SATB2: variants seen among roughly 807,000 people sequenced by gnomAD.
SATB2 encodes the protein SATB homeobox 2.
SATB2 carries 1 observed loss-of-function variant against 73.4 expected under a neutral mutation model. The observed-to-expected ratio is 0.01, with a 90% CI of 0.00 to 0.06. The LOEUF (loss-of-function observed/expected upper bound fraction) is 0.06. SATB2 is among the 10% of genes least tolerant of loss of function. The probability of loss-of-function intolerance (pLI) is 1.00; values close to 1 mark genes in which losing one functional copy is unlikely to be tolerated. For synonymous variants in SATB2, 397 were observed against 367.0 expected (o/e 1.08, Z -0.93); for missense variants, 459 against 945.8 (o/e 0.49, Z 6.75).
At chr2:199,468,214 C>T (rs958908610), upstream of SATB2, 1 of 152,044 alleles carries the variant, frequency 6.6e-6, no homozygotes, top group African/African-American at 2.4e-5. Context: ...TCTGGTGGGC[C>T]GTTTGCACCC....
At chr2:199,442,243 G>A (rs1691839596) in intron 2 of SATB2, among the ~76,000 whole-genome samples, 1 of 152,184 alleles carries the variant, frequency 6.6e-6, no homozygotes, top group Non-Finnish European at 1.5e-5. Context: ...ACTGCACTCA[G>A]CATCAGCAAA....
intron 3 of SATB2, among the ~76,000 whole-genome samples, chr2:199,406,586 CATAAT>C (rs1297613711): frequency 6.6e-6 from 1 of 152,070 alleles, no homozygotes; most frequent in Non-Finnish European, 1.5e-5. Flanking sequence ...TCATGGAAGG[CATAAT>C]ATAATAAATA....
rs1425689889 is a variant in SATB2 at position 199,271,570 on chromosome 2, A to C, written c.*641T>G. On this transcript the variant is annotated 3_prime_UTR_variant, in exon 11 of 11. Transcript: ENST00000417098. ...AGGAAGCCATAGAATTAAAAAAAAA[A>C]AATCAGGGACAAACACAAAAAATAA... 6.6e-6 allele frequency: 1 copy of C among 152,428 alleles called. No homozygotes were observed. The highest frequency in any genetic ancestry group is 1.5e-5 in the Non-Finnish European group (1 of 67,998). 9.4% of individuals were successfully genotyped at this position (152,428 alleles called of 1,614,324 possible).
At chr2:199,329,552 A>G (rs1393033612) in intron 7 of SATB2, among the ~76,000 whole-genome samples, 2 of 152,092 alleles carry the variant, frequency 1.3e-5, no homozygotes, top group Non-Finnish European at 2.9e-5. Flanking sequence ...ATCTTTCATG[A>G]GACGTCTTCA....
intron 6 of SATB2, among the ~76,000 whole-genome samples, chr2:199,362,270 A>G (rs1467193466): frequency 6.6e-6 from 1 of 151,668 alleles, no homozygotes; most frequent in African/African-American, 2.4e-5. Flanking sequence ...GCGGTTGCCC[A>G]AAACATTCCT....
chr2:199,429,451 T>C (rs1691435474), intron 3 of SATB2, among the ~76,000 whole-genome samples: 1 of 152,200 alleles, frequency 6.6e-6, no homozygotes, highest in Non-Finnish European at 1.5e-5. Flanking sequence ...ACACCTTTTC[T>C]GTGTTTTAGA....
intron 3 of SATB2, among the ~76,000 whole-genome samples, chr2:199,404,244 C>T (rs1400747675): frequency 2.0e-5 from 3 of 152,158 alleles, no homozygotes; most frequent in Non-Finnish European, 4.4e-5. Context: ...TCATGGCGGC[C>T]AGCACTCCTG....
chr2:199,365,554 A>G (rs1453567701), intron 6 of SATB2, among the ~76,000 whole-genome samples: 1 of 152,170 alleles, frequency 6.6e-6, no homozygotes, highest in East Asian at 1.9e-4. Flanking sequence ...CACTGGGGAA[A>G]ATAAAGTTAA....
chr2:199,429,022 A>C (rs1240923912), intron 3 of SATB2, among the ~76,000 whole-genome samples: 1 of 151,252 alleles, frequency 6.6e-6, no homozygotes, highest in Non-Finnish European at 1.5e-5. Context: ...AAAAAAAAAA[A>C]AGAAAGAAAG....
chr2:199,282,924 A>G (rs1368023420), intron 10 of SATB2, among the ~76,000 whole-genome samples: 1 of 152,220 alleles, frequency 6.6e-6, no homozygotes. Flanking sequence ...CTCAAGTTAC[A>G]GTCTGTTTAA....
At chr2:199,449,155 A>G (rs1157803133) in intron 2 of SATB2, among the ~76,000 whole-genome samples, 2 of 152,066 alleles carry the variant, frequency 1.3e-5, no homozygotes, top group Non-Finnish European at 2.9e-5. Context: ...CATCAATTAA[A>G]AAGGGGAAAA....
At chr2:199,467,555 G>T (rs1574655361), upstream of SATB2, 1 of 152,418 alleles carries the variant, frequency 6.6e-6, no homozygotes. Flanking sequence ...GGCTGAGGGC[G>T]GGGGAGAGAG....
At chr2:199,424,589 T>C (rs1441748684) in intron 3 of SATB2, among the ~76,000 whole-genome samples, 1 of 152,148 alleles carries the variant, frequency 6.6e-6, no homozygotes, top group African/African-American at 2.4e-5. Flanking sequence ...GACAAAGTAT[T>C]AAAATGTAAA....
In SATB2 at chr2:199,337,749, C is replaced by T. The variant is rs372548085; in HGVS notation, c.1174-8839G>A. Among the ~76,000 whole-genome samples the T allele has an allele frequency of 2.1e-3, 318 of 152,274 alleles. 11 individuals carry two copies. In the South Asian group the frequency reaches 0.063, roughly 30 times the overall value. ...AGAACTGTATACAGAATTGAAACAA[C>T]CTAGTAATTTCAAATTGATAACAAT... On this transcript the variant is annotated intron_variant, in intron 7 of 10. Transcript: ENST00000417098.
At chr2:199,312,057 G>T (rs1687613733) in intron 9 of SATB2, among the ~76,000 whole-genome samples, 1 of 151,430 alleles carries the variant, frequency 6.6e-6, no homozygotes, top group African/African-American at 2.4e-5. Context: ...AAAAAAAAGT[G>T]TAAATGTCAA....
chr2:199,456,075 T>C lies in SATB2; in HGVS notation c.-38A>G. The C allele has an allele frequency of 8.4e-7, 1 of 1,196,714 alleles. No homozygotes were observed. The highest frequency in any genetic ancestry group is 1.1e-6 in the Non-Finnish European group (1 of 928,242). 74.1% of individuals were successfully genotyped at this position (1,196,714 alleles called of 1,614,324 possible). ...CGGAGACAAAGTTCCCACCGGCAGGTCGCAATAAAACGCACAGGGACCTAG... is the reference window on the plus strand; with the variant it reads ...CGGAGACAAAGTTCCCACCGGCAGGCCGCAATAAAACGCACAGGGACCTAG... On this transcript the variant is annotated 5_prime_UTR_variant, in exon 2 of 11. Transcript: ENST00000417098.
At chr2:199,366,889 T>C (rs1689300596) in intron 6 of SATB2, among the ~76,000 whole-genome samples, 1 of 141,470 alleles carries the variant, frequency 7.1e-6, no homozygotes, top group Non-Finnish European at 1.6e-5. Context: ...GATATGAGTG[T>C]TAATGTGCGA....
intron 3 of SATB2, among the ~76,000 whole-genome samples, chr2:199,399,611 A>C (rs1299765665): frequency 1.3e-5 from 2 of 152,224 alleles, no homozygotes; most frequent in Non-Finnish European, 2.9e-5. Flanking sequence ...CTGTACAGGA[A>C]GAAGCATGTT....
chr2:199,391,250 G>A (rs11897632), intron 3 of SATB2, among the ~76,000 whole-genome samples: 10 of 151,826 alleles, frequency 6.6e-5, no homozygotes, highest in African/African-American at 2.2e-4. Flanking sequence ...TCGAGAACAC[G>A]CTGAAACCTC....
Sources: gnomAD v4.1 joint callset for allele counts (sites outside exome capture counted in the v4.1 genomes callset) on GRCh38, gnomAD v4.1.1 for gene constraint, MANE v1.5 for transcripts, NCBI Gene and HGNC (gene_info 2026-07-23, HGNC 2026-07-21) for gene names.